ZBTB20: variants seen among roughly 807,000 people sequenced by gnomAD.
ZBTB20 encodes the protein zinc finger and BTB domain-containing protein 20.
Under a neutral mutation model 56.9 loss-of-function variants are expected in ZBTB20, and 9 were observed. The ratio of observed to expected loss-of-function variants is 0.16; its 90% CI spans 0.10 to 0.28. The LOEUF (loss-of-function observed/expected upper bound fraction) is 0.28. Ranked by LOEUF, ZBTB20 falls within the 10% of genes least tolerant of loss-of-function variation. The pLI is 1.00. For synonymous variants in ZBTB20, 417 were observed against 420.7 expected (o/e 0.99, Z 0.11); for missense variants, 655 against 1,003.0 (o/e 0.65, Z 4.69).
intron 7 of ZBTB20, among the ~76,000 whole-genome samples, chr3:114,438,773 A>C (rs2090712063): frequency 1.3e-5 from 2 of 152,326 alleles, no homozygotes; most frequent in Non-Finnish European, 2.9e-5. Context: ...AAAATTATTA[A>C]GAATTTCAGG....
chr3:114,680,613 A>G (rs1227729383), intron 6 of ZBTB20, among the ~76,000 whole-genome samples: 1 of 152,250 alleles, frequency 6.6e-6, no homozygotes, highest in Non-Finnish European at 1.5e-5. Flanking sequence ...TCACTCCTGC[A>G]TGTTTCACTT....
intron 2 of ZBTB20, among the ~76,000 whole-genome samples, chr3:115,007,960 C>T (rs1258233084): frequency 6.6e-6 from 1 of 151,836 alleles, no homozygotes; most frequent in African/African-American, 2.4e-5. Flanking sequence ...CCTTTGCAGG[C>T]TCTTCTGCTT....
chr3:114,797,249 T>C (rs904580910), intron 5 of ZBTB20, among the ~76,000 whole-genome samples: 2 of 151,758 alleles, frequency 1.3e-5, no homozygotes, highest in Non-Finnish European at 2.9e-5. Context: ...GTGATTCTAG[T>C]ATATGTGATC....
At chr3:115,076,592 T>C (rs547479518) in intron 1 of ZBTB20, among the ~76,000 whole-genome samples, 14 of 152,130 alleles carry the variant, frequency 9.2e-5, no homozygotes, top group Non-Finnish European at 1.3e-4. Flanking sequence ...CTAAAACTTT[T>C]AGAATAAAAC....
intron 1 of ZBTB20, among the ~76,000 whole-genome samples, chr3:115,092,669 T>C (rs1040022598): frequency 2.0e-5 from 3 of 151,992 alleles, no homozygotes; most frequent in Admixed American, 6.6e-5. Flanking sequence ...TAGTGGCCAG[T>C]GGAGAGGAGT....
intron 6 of ZBTB20, among the ~76,000 whole-genome samples, chr3:114,503,519 T>C (rs928839008): frequency 5.3e-5 from 8 of 152,224 alleles, no homozygotes; most frequent in Admixed American, 2.0e-4. Flanking sequence ...ACATGCTCTT[T>C]CCACCTAAGT....
intron 6 of ZBTB20, among the ~76,000 whole-genome samples, chr3:114,583,853 T>G (rs75237375): frequency 0.095 from 14,503 of 152,234 alleles, 800 homozygotes; most frequent in African/African-American, 0.15. Flanking sequence ...TTGTTTAAAA[T>G]AAAGCTTTAA....
At chr3:114,547,272 G>A (rs1366703728) in intron 6 of ZBTB20, among the ~76,000 whole-genome samples, 1 of 152,136 alleles carries the variant, frequency 6.6e-6, no homozygotes, top group East Asian at 1.9e-4. Flanking sequence ...TGTGGGAGCA[G>A]GTATCCTAGA....
rs188733873 is a variant in ZBTB20 at position 114,737,243 on chromosome 3, A to G, written c.-342-43668T>C. ...TAGTTGTTTGAAATATATTTAATGT[A>G]GAGAAACATTTTTTTGAAAATTTGG... On this transcript the variant is annotated intron_variant, in intron 5 of 11. Coordinates refer to ENST00000675478, the MANE Select transcript of ZBTB20 (RefSeq NM_001348800.3). 8.5e-5 allele frequency among the ~76,000 whole-genome samples: 13 copies of G among 152,316 alleles called. No individual in the cohort carries two copies. In the East Asian group the frequency reaches 2.5e-3, roughly 29 times the overall value.
Position 114,351,135 on chromosome 3 carries a change from G to A in ZBTB20, c.943C>T (p.Pro315Ser). The A allele has an allele frequency of 6.2e-7, 1 of 1,605,580 alleles. No homozygotes were observed. Among genetic ancestry groups the A allele is most frequent in the Non-Finnish European group, 8.5e-7 (1 of 1,179,756 alleles). Residue 315 changes from proline (P) to serine (S), a missense_variant, in exon 11 of 12, where the codon CCC becomes TCC. Pro to Ser is a moderately conservative substitution (Grantham distance 74, BLOSUM62 -1). Coordinates refer to ENST00000675478, the MANE Select transcript of ZBTB20 (RefSeq NM_001348800.3). ...AGGGTCTGGATGCGCACAGGCCGGG[G>A]CTGCTTGCGGCAGTGCGTGGTCTCG... ...TPETTHCRKQ[P>S]RPVRIQTLVG... is the part of the protein sequence containing the mutation.
intron 3 of ZBTB20, among the ~76,000 whole-genome samples, chr3:114,969,110 C>A (rs1488610827): frequency 6.6e-6 from 1 of 152,146 alleles, no homozygotes; most frequent in Non-Finnish European, 1.5e-5. Flanking sequence ...TATTATATCT[C>A]CCTGTTAGAC....
intron 5 of ZBTB20, among the ~76,000 whole-genome samples, chr3:114,794,547 C>A (rs1192639247): frequency 1.3e-5 from 2 of 152,060 alleles, no homozygotes; most frequent in African/African-American, 2.4e-5. Flanking sequence ...TCCTAAGATT[C>A]CCTGTCGCTA....
intron 6 of ZBTB20, among the ~76,000 whole-genome samples, chr3:114,503,179 A>G (rs762690137): frequency 4.6e-5 from 7 of 152,228 alleles, no homozygotes; most frequent in Admixed American, 2.0e-4. Context: ...AATGACACAC[A>G]GGATGGCTGT....
At chr3:115,069,134 A>G (rs945026060) in intron 2 of ZBTB20, among the ~76,000 whole-genome samples, 2 of 152,196 alleles carry the variant, frequency 1.3e-5, no homozygotes, top group African/African-American at 4.8e-5. Context: ...CAAAAAAAGC[A>G]GTTTCTAAAT....
chr3:115,036,795 A>G (rs2080942921), intron 2 of ZBTB20, among the ~76,000 whole-genome samples: 2 of 152,160 alleles, frequency 1.3e-5, no homozygotes, highest in South Asian at 4.1e-4. Flanking sequence ...CTGGGCTTGA[A>G]GAGATAGCAT....
intron 2 of ZBTB20, among the ~76,000 whole-genome samples, chr3:115,002,582 T>A (rs988255331): frequency 6.6e-6 from 1 of 151,486 alleles, no homozygotes; most frequent in Non-Finnish European, 1.5e-5. Context: ...AAAACCTGCA[T>A]AGAAAATGAT....
At chr3:114,569,305 A>G (rs1302036812) in intron 6 of ZBTB20, among the ~76,000 whole-genome samples, 1 of 152,214 alleles carries the variant, frequency 6.6e-6, no homozygotes, top group Non-Finnish European at 1.5e-5. Flanking sequence ...ATAGATGGGA[A>G]TTCCCAGGTG....
chr3:114,416,340 AAAAC>A (rs2088556977), intron 7 of ZBTB20, among the ~76,000 whole-genome samples: 1 of 151,820 alleles, frequency 6.6e-6, no homozygotes, highest in South Asian at 2.1e-4. Context: ...AAAAAAAAAA[AAAAC>A]AACTAACTAA....
At chr3:114,528,371 T>C (rs546371873) in intron 6 of ZBTB20, among the ~76,000 whole-genome samples, 1 of 152,270 alleles carries the variant, frequency 6.6e-6, no homozygotes, top group East Asian at 1.9e-4. Flanking sequence ...ATTCTTGCTC[T>C]GTATATTTGG....
Sources: gnomAD v4.1 joint callset for allele counts (sites outside exome capture counted in the v4.1 genomes callset) on GRCh38, gnomAD v4.1.1 for gene constraint, MANE v1.5 for transcripts, NCBI Gene and HGNC (gene_info 2026-07-23, HGNC 2026-07-21) for gene names.